The following CNTNAP5 variants were observed in gnomAD, a reference collection of about 807,000 sequenced individuals.
CNTNAP5 encodes the protein contactin associated protein family member 5, also known as contactin-associated protein-like 5.
In CNTNAP5, 72 loss-of-function variants were observed where a neutral mutation model predicts 150.2. That is an observed-to-expected ratio of 0.48 (90% CI 0.40 to 0.58). The LOEUF (loss-of-function observed/expected upper bound fraction) is 0.58, where lower values mean the gene tolerates loss of function less well. Ranked by LOEUF, CNTNAP5 falls within the 20% of genes least tolerant of loss-of-function variation. The pLI, the probability that CNTNAP5 is intolerant of heterozygous loss-of-function variation, is 0.00. For synonymous variants in CNTNAP5, 672 were observed against 619.8 expected (o/e 1.08, Z -1.25); for missense variants, 1,636 against 1,626.2 (o/e 1.01, Z -0.10).
At chr2:124,288,592 C>T (rs1688210603) in intron 3 of CNTNAP5, among the ~76,000 whole-genome samples, 1 of 152,156 alleles carries the variant, frequency 6.6e-6, no homozygotes, top group South Asian at 2.1e-4. Flanking sequence ...TAACTTCCTT[C>T]AGCATGCTTT....
chr2:124,635,532 G>A lies in CNTNAP5; in HGVS notation c.1877-12226G>A, dbSNP rs374560604. Among the ~76,000 whole-genome samples the A allele has an allele frequency of 3.6e-4, 55 of 152,270 alleles. 1 individual carries two copies. The highest frequency in any genetic ancestry group is 1.2e-3 in the African/African-American group (50 of 41,552). The stretch of plus-strand genomic sequence containing the variant: ...CATGAATGCAGAGATGCAATGAGAA[G>A]GTCCATCAAGTCCTCCTGACTTCCC... On this transcript the variant is annotated intron_variant, in intron 12 of 23. Transcript: ENST00000682447.
intron 13 of CNTNAP5, among the ~76,000 whole-genome samples, chr2:124,728,361 C>T (rs1680203900): frequency 6.6e-6 from 1 of 152,006 alleles, no homozygotes; most frequent in Non-Finnish European, 1.5e-5. Flanking sequence ...GAAGGATTGA[C>T]ACTAGTTCTT....
intron 1 of CNTNAP5, among the ~76,000 whole-genome samples, chr2:124,083,272 C>T (rs1287636471): frequency 6.6e-6 from 1 of 152,062 alleles, no homozygotes; most frequent in African/African-American, 2.4e-5. Context: ...TGCTTGAACC[C>T]GAGAGGTGAG....
chr2:124,053,546 A>C (rs1041373962), intron 1 of CNTNAP5, among the ~76,000 whole-genome samples: 1 of 152,188 alleles, frequency 6.6e-6, no homozygotes, highest in Non-Finnish European at 1.5e-5. Context: ...AAACTCAATG[A>C]ACATTTGACC....
intron 1 of CNTNAP5, among the ~76,000 whole-genome samples, chr2:124,095,463 T>C (rs1682913979): frequency 6.6e-6 from 1 of 152,148 alleles, no homozygotes; most frequent in Non-Finnish European, 1.5e-5. Flanking sequence ...TATACCTATG[T>C]AACAAAGCTG....
intron 12 of CNTNAP5, among the ~76,000 whole-genome samples, chr2:124,630,776 G>A (rs1677836365): frequency 6.6e-6 from 1 of 151,984 alleles, no homozygotes; most frequent in Non-Finnish European, 1.5e-5. Context: ...AGGAACAGAG[G>A]AAATCAATGT....
intron 3 of CNTNAP5, among the ~76,000 whole-genome samples, chr2:124,282,253 C>T (rs10496630): frequency 0.064 from 9,672 of 152,180 alleles, 875 homozygotes; most frequent in African/African-American, 0.2. Flanking sequence ...TGTTTAGCTA[C>T]AACAAACCTC....
intron 13 of CNTNAP5, among the ~76,000 whole-genome samples, chr2:124,730,859 G>T (rs968831799): frequency 4.6e-5 from 7 of 152,016 alleles, no homozygotes; most frequent in African/African-American, 4.8e-5. Flanking sequence ...AAACAGGAGA[G>T]TGGTTAATAT....
intron 1 of CNTNAP5, among the ~76,000 whole-genome samples, chr2:124,125,207 G>C (rs1233028779): frequency 6.6e-6 from 1 of 152,080 alleles, no homozygotes. Flanking sequence ...AAAATAAAGG[G>C]ATGGAGGAAG....
intron 1 of CNTNAP5, among the ~76,000 whole-genome samples, chr2:124,032,076 C>G (rs778431779): frequency 6.6e-6 from 1 of 152,138 alleles, no homozygotes; most frequent in Non-Finnish European, 1.5e-5. Context: ...TCCATAACCT[C>G]AAGAAACTTT....
intron 8 of CNTNAP5, among the ~76,000 whole-genome samples, chr2:124,513,387 G>T (rs1307981250): frequency 6.6e-6 from 1 of 152,142 alleles, no homozygotes; most frequent in Non-Finnish European, 1.5e-5. Flanking sequence ...TAGGTGTTGG[G>T]ACTTTAACAT....
intron 3 of CNTNAP5, among the ~76,000 whole-genome samples, chr2:124,386,079 G>A (rs904472958): frequency 6.6e-6 from 1 of 152,106 alleles, no homozygotes; most frequent in Admixed American, 6.5e-5. Context: ...AGTTAACCTT[G>A]TTCATTGAGC....
intron 13 of CNTNAP5, among the ~76,000 whole-genome samples, chr2:124,709,784 A>AAAATT (rs1228547684): frequency 6.6e-6 from 1 of 152,178 alleles, no homozygotes; most frequent in Admixed American, 6.5e-5. Context: ...AATCTTCTAG[A>AAAATT]AAATTAAATT....
At chr2:124,276,179 C>G (rs762766308) in intron 3 of CNTNAP5, among the ~76,000 whole-genome samples, 1 of 151,970 alleles carries the variant, frequency 6.6e-6, no homozygotes. Context: ...TAAGATTTTC[C>G]CCATGAACTT....
In CNTNAP5 at chr2:124,347,214, G is replaced by A. The variant is rs924546809; in HGVS notation, c.382-70229G>A. 2.6e-5 allele frequency among the ~76,000 whole-genome samples: 4 copies of A among 152,188 alleles called. No individual in the cohort carries two copies. The East Asian group carries it at 7.7e-4, about 29-fold the overall frequency. On this transcript the variant is annotated intron_variant, in intron 3 of 23. Coordinates refer to ENST00000682447, the MANE Select transcript of CNTNAP5 (RefSeq NM_001367498.1). The stretch of plus-strand genomic sequence containing the variant: ...TAATAGAGACACCAAAGCTTGAATG[G>A]TTTATTAACTGCCTGGTCCTGAGGC...
intron 3 of CNTNAP5, among the ~76,000 whole-genome samples, chr2:124,332,902 A>ACTTAAGTTTATATTATAAAGTTAAGT (rs1229416120): frequency 2.6e-5 from 4 of 152,266 alleles, no homozygotes; most frequent in Non-Finnish European, 5.9e-5. Flanking sequence ...AAGATTATAA[A>ACTTAAGTTTATATTATAAAGTTAAGT]TCCACATAAA....
intron 3 of CNTNAP5, among the ~76,000 whole-genome samples, chr2:124,283,661 G>T (rs575119059): frequency 2.6e-5 from 4 of 152,284 alleles, no homozygotes; most frequent in African/African-American, 9.6e-5. Flanking sequence ...GTCTGTTTGG[G>T]CTGCTGTAAT....
Position 124,914,898 on chromosome 2 carries a change from G to C in CNTNAP5, c.*610G>C, listed in dbSNP as rs1233280674. ...AGACCCTGAGTATTTTCAAATATAT[G>C]ATTGCTGATAGTAGTGACCAAAACT... On this transcript the variant is annotated 3_prime_UTR_variant, in exon 24 of 24. Coordinates refer to ENST00000682447, the MANE Select transcript of CNTNAP5 (RefSeq NM_001367498.1). The C allele has an allele frequency of 1.3e-5, 2 of 151,914 alleles. No homozygotes were observed. Among genetic ancestry groups the C allele is most frequent in the African/African-American group, 4.8e-5 (2 of 41,336 alleles). 9.4% of individuals were successfully genotyped at this position (151,914 alleles called of 1,614,324 possible).
chr2:124,120,082 G>C (rs911997832), intron 1 of CNTNAP5, among the ~76,000 whole-genome samples: 1 of 152,152 alleles, frequency 6.6e-6, no homozygotes, highest in Non-Finnish European at 1.5e-5. Context: ...CAGGTTTGAG[G>C]ACCACTGTTC....
Sources: allele counts gnomAD v4.1 joint callset (sites outside exome capture counted in the v4.1 genomes callset), GRCh38; gene constraint gnomAD v4.1.1; transcripts MANE v1.5; gene names NCBI Gene and HGNC (gene_info 2026-07-23, HGNC 2026-07-21).